NPNT: variants seen among roughly 807,000 people sequenced by gnomAD.
The protein encoded by NPNT is nephronectin.
NPNT carries 45 observed loss-of-function variants against 68.6 expected under a neutral mutation model. The observed-to-expected ratio is 0.66, with a 90% CI of 0.52 to 0.84. NPNT has a LOEUF of 0.84. Ranked by LOEUF, NPNT falls within the 40% of genes least tolerant of loss-of-function variation. NPNT has a pLI of 0.00. For synonymous variants in NPNT, 233 were observed against 253.3 expected (o/e 0.92, Z 0.76); for missense variants, 672 against 714.8 (o/e 0.94, Z 0.68).
intron 3 of NPNT, among the ~76,000 whole-genome samples, chr4:105,934,281 A>G (rs1044353046): frequency 2.6e-5 from 4 of 152,226 alleles, no homozygotes; most frequent in South Asian, 4.1e-4. Flanking sequence ...ATATTAACTT[A>G]CTTAATATGG....
chr4:105,898,796 A>G (rs1010035323), intron 2 of NPNT, among the ~76,000 whole-genome samples: 2 of 152,206 alleles, frequency 1.3e-5, no homozygotes, highest in African/African-American at 4.8e-5. Context: ...CCAGCATTTT[A>G]TCGCGATCTT....
intron 8 of NPNT, among the ~76,000 whole-genome samples, chr4:105,955,503 C>G (rs1212469084): frequency 6.6e-6 from 1 of 151,650 alleles, no homozygotes; most frequent in Admixed American, 6.6e-5. Flanking sequence ...CTAACAGAAC[C>G]CTCTTTTATT....
At chr4:105,896,805 A>C (rs1725892867) in intron 1 of NPNT, among the ~76,000 whole-genome samples, 1 of 152,182 alleles carries the variant, frequency 6.6e-6, no homozygotes, top group South Asian at 2.1e-4. Flanking sequence ...GGTCGGAGGA[A>C]ATAGAAAGTT....
chr4:105,907,472 C>A (rs1044671315), intron 2 of NPNT, among the ~76,000 whole-genome samples: 2 of 152,082 alleles, frequency 1.3e-5, no homozygotes, highest in Non-Finnish European at 2.9e-5. Context: ...GAATTGTCAC[C>A]GTATATCAAC....
chr4:105,907,437 G>T (rs939726826), intron 2 of NPNT, among the ~76,000 whole-genome samples: 1 of 152,178 alleles, frequency 6.6e-6, no homozygotes, highest in African/African-American at 2.4e-5. Context: ...GCAGAGACTA[G>T]CGTGAACCAA....
At chr4:105,920,225 C>G (rs1728148318) in intron 2 of NPNT, among the ~76,000 whole-genome samples, 1 of 151,646 alleles carries the variant, frequency 6.6e-6, no homozygotes, top group Non-Finnish European at 1.5e-5. Context: ...ATGTCTCTAC[C>G]ATTCTTTGAG....
chr4:105,965,820 T>C (rs1732083475), intron 10 of NPNT, among the ~76,000 whole-genome samples: 1 of 152,220 alleles, frequency 6.6e-6, no homozygotes, highest in Admixed American at 6.5e-5. Flanking sequence ...GCTGTATCCT[T>C]GGAACATCAT....
intron 3 of NPNT, among the ~76,000 whole-genome samples, chr4:105,927,938 T>A (rs1163865883): frequency 6.6e-6 from 1 of 152,192 alleles, no homozygotes; most frequent in East Asian, 1.9e-4. Flanking sequence ...AAGCACTTTT[T>A]AAAAAAATCA....
chr4:105,950,969 A>G (rs1021570745), intron 8 of NPNT, among the ~76,000 whole-genome samples: 1 of 152,138 alleles, frequency 6.6e-6, no homozygotes, highest in African/African-American at 2.4e-5. Context: ...GATCTCGTTA[A>G]ATTGAAGACT....
At chr4:105,943,437 G>C (rs993438413) in intron 8 of NPNT, among the ~76,000 whole-genome samples, 2 of 152,186 alleles carry the variant, frequency 1.3e-5, no homozygotes, top group Non-Finnish European at 2.9e-5. Context: ...AAGCTGGACA[G>C]CTACCCCTTG....
At chr4:105,941,933 A>G (rs558910169) in intron 7 of NPNT, among the ~76,000 whole-genome samples, 1 of 152,164 alleles carries the variant, frequency 6.6e-6, no homozygotes. Context: ...ATATTAAAAA[A>G]ACTTAGAATG....
intron 1 of NPNT, 159 bp downstream of exon 1, chr4:105,895,882 C>A (rs978351980): frequency 3.1e-6 from 2 of 643,504 alleles, no homozygotes; most frequent in Non-Finnish European, 5.2e-6. Context: ...AGCGGTCCAG[C>A]GGCTCCGAGT....
chr4:105,926,370 C>A (rs562697499), intron 2 of NPNT, among the ~76,000 whole-genome samples: 1 of 152,124 alleles, frequency 6.6e-6, no homozygotes, highest in Non-Finnish European at 1.5e-5. Flanking sequence ...ATATTTGGTA[C>A]AGAACAAGGT....
chr4:105,914,336 C>G (rs1011945752), intron 2 of NPNT, among the ~76,000 whole-genome samples: 1 of 135,116 alleles, frequency 7.4e-6, no homozygotes, highest in African/African-American at 2.7e-5. Context: ...CAGGTAATAG[C>G]TGGCTCTCTC....
At position 105,968,932 on chromosome 4, in the gene NPNT, G is replaced by A. The variant is rs1399975235; in HGVS notation, c.1640G>A (p.Gly547Glu). The change falls in exon 12 of 12, where the codon GGG (glycine) becomes GAG (glutamate). Residue 547 changes from glycine (G) to glutamate (E), a missense_variant. By Grantham distance (98) the Gly-to-Glu change is moderately conservative (BLOSUM62 -2). Coordinates refer to ENST00000379987, the MANE Select transcript of NPNT (RefSeq NM_001033047.3). Reference sequence around the variant, plus strand: ...GGTGAAAAAAGGCGTGGTCACACTGGGGAGATTGGATTAGATGATGTGAGC... The same window carrying A: ...GGTGAAAAAAGGCGTGGTCACACTGAGGAGATTGGATTAGATGATGTGAGC... ...FKGEKRRGHTGEIGLDDVSLK... is the reference protein window; with the variant it reads ...FKGEKRRGHTEEIGLDDVSLK... 1 of 1,613,130 alleles carries A rather than the reference G, an allele frequency of 6.2e-7. No homozygotes were observed. The highest frequency in any genetic ancestry group is 1.7e-5 in the Admixed American group (1 of 59,998).
intron 2 of NPNT, among the ~76,000 whole-genome samples, chr4:105,901,003 A>C (rs879566214): frequency 6.6e-6 from 1 of 152,182 alleles, no homozygotes; most frequent in Non-Finnish European, 1.5e-5. Context: ...ATATGTTCAC[A>C]CACTGATGAT....
chr4:105,944,343 A>G (rs1730214033), intron 8 of NPNT, among the ~76,000 whole-genome samples: 3 of 152,130 alleles, frequency 2.0e-5, no homozygotes, highest in Admixed American at 1.3e-4. Context: ...TGCTTAAGTA[A>G]TTATGGTATT....
intron 2 of NPNT, 59 bp downstream of exon 2, chr4:105,898,060 A>G (rs1254974669): frequency 5.2e-6 from 6 of 1,143,122 alleles, no homozygotes; most frequent in Non-Finnish European, 7.6e-6. Flanking sequence ...CACCTTGTTC[A>G]TGGCTTCACC....
At chr4:105,902,262 T>C (rs1451061512) in intron 2 of NPNT, among the ~76,000 whole-genome samples, 1 of 152,240 alleles carries the variant, frequency 6.6e-6, no homozygotes, top group African/African-American at 2.4e-5. Flanking sequence ...ACACATAGTG[T>C]TCCCTCCACA....
Sources: gnomAD v4.1 joint callset for allele counts (sites outside exome capture counted in the v4.1 genomes callset) on GRCh38, gnomAD v4.1.1 for gene constraint, MANE v1.5 for transcripts, NCBI Gene and HGNC (gene_info 2026-07-23, HGNC 2026-07-21) for gene names.